Variants in ABCC12 observed in about 807,000 individuals in gnomAD.
ABCC12 encodes the protein ATP binding cassette subfamily C member 12.
ABCC12 carries 142 observed loss-of-function variants against 151.1 expected under a neutral mutation model. That is an observed-to-expected ratio of 0.94 (90% CI 0.82 to 1.08). ABCC12 has a LOEUF of 1.08. Ranked by LOEUF, ABCC12 falls within the 50% of genes least tolerant of loss-of-function variation. The pLI is 0.00. For missense variants in ABCC12, 1,638 were observed against 1,691.1 expected (o/e 0.97, Z 0.55); for synonymous variants, 645 against 646.4 (o/e 1.00, Z 0.03).
At chr16:48,148,002 C>T (rs2150684202) in intron 2 of ABCC12, among the ~76,000 whole-genome samples, 1 of 152,036 alleles carries the variant, frequency 6.6e-6, no homozygotes, top group East Asian at 1.9e-4. Flanking sequence ...GGTGGGAATG[C>T]AGTGGTGCGA....
chr16:48,155,084 C>G (rs928683806), intron 1 of ABCC12, among the ~76,000 whole-genome samples: 8 of 152,182 alleles, frequency 5.3e-5, no homozygotes, highest in Non-Finnish European at 7.3e-5. Context: ...TCAGAAAGCC[C>G]TGTGAGTGAT....
In ABCC12 at chr16:48,144,023, G is replaced by A. The variant is rs60702908; in HGVS notation, c.162C>T (p.Phe54=). The A allele has an allele frequency of 5.2e-3, 8,471 of 1,614,132 alleles. 420 individuals carry two copies. In the African/African-American group the frequency reaches 0.098, roughly 19 times the overall value. Residue 54 remains phenylalanine, a synonymous_variant, in exon 4 of 31, where the codon TTC becomes TTT. Coordinates refer to ENST00000311303, the MANE Select transcript of ABCC12 (RefSeq NM_001393797.1). ...NPVDDAGLLS[F]ATFSWLTPVM... is the part of the protein sequence containing the mutation. ...CCGGCGTGAGCCAGGAAAATGTGGCGAAGGAGAGTAGCCCGGCATCATCCA... is the reference window on the plus strand; with the variant it reads ...CCGGCGTGAGCCAGGAAAATGTGGCAAAGGAGAGTAGCCCGGCATCATCCA...
In ABCC12 at chr16:48,140,940, G is replaced by A. The variant is rs1964788301; in HGVS notation, c.424-20C>T. 6.2e-7 allele frequency: 1 copy of A among 1,603,744 alleles called. No individual in the cohort carries two copies. The highest frequency in any genetic ancestry group is 8.5e-7 in the Non-Finnish European group (1 of 1,171,710). Reference sequence around the variant, plus strand: ...AACTGTCTGTAAAACAGCATGGTGGGGAGAAGAGAGGGCCACTGAGGGCTG... The same window carrying A: ...AACTGTCTGTAAAACAGCATGGTGGAGAGAAGAGAGGGCCACTGAGGGCTG... On this transcript the variant is annotated intron_variant, in intron 5 of 30. Transcript: ENST00000311303.
At chr16:48,138,569 T>G (rs1482714923) in intron 7 of ABCC12, among the ~76,000 whole-genome samples, 194 bp from the exon 8 acceptor site, 2 of 152,192 alleles carry the variant, frequency 1.3e-5, no homozygotes, top group Admixed American at 6.5e-5. Context: ...AGGCAGGTCA[T>G]GTAAAGGCAT....
At chr16:48,141,093 C>T (rs561297580) in intron 5 of ABCC12, 113 bp downstream of exon 5, 41 of 1,462,116 alleles carry the variant, frequency 2.8e-5, no homozygotes, top group South Asian at 5.4e-5. Context: ...CCCCAAGGAG[C>T]GCAAAGATAA....
At chr16:48,138,517 G>A (rs1008063998) in intron 7 of ABCC12, 142 bp from the exon 8 acceptor site, 1 of 949,054 alleles carries the variant, frequency 1.1e-6, no homozygotes, top group African/African-American at 1.6e-5. Flanking sequence ...CTTCCCTTGA[G>A]TTGTGGCTGT....
At chr16:48,154,518 C>T (rs960636526) in intron 1 of ABCC12, among the ~76,000 whole-genome samples, 2 of 152,180 alleles carry the variant, frequency 1.3e-5, no homozygotes, top group African/African-American at 4.8e-5. Flanking sequence ...CCCACCACTC[C>T]TTACTGTCTC....
At chr16:48,103,226 G>A (rs569921338) in intron 22 of ABCC12, among the ~76,000 whole-genome samples, 10 of 151,878 alleles carry the variant, frequency 6.6e-5, no homozygotes, top group Admixed American at 1.3e-4. Flanking sequence ...GCACGTCTAG[G>A]AGCATAATCC....
At chr16:48,129,585 G>A (rs1567454519) in intron 10 of ABCC12, among the ~76,000 whole-genome samples, 1 of 152,178 alleles carries the variant, frequency 6.6e-6, no homozygotes, top group Non-Finnish European at 1.5e-5. Flanking sequence ...AGAGCCTGGA[G>A]GGGACAAGGG....
intron 20 of ABCC12, among the ~76,000 whole-genome samples, chr16:48,106,307 C>G (rs373024146): frequency 6.6e-6 from 1 of 152,152 alleles, no homozygotes; most frequent in African/African-American, 2.4e-5. Context: ...GTTCAACCAC[C>G]GTGGCTGCAT....
At chr16:48,097,307 G>A (rs770472056) in intron 23 of ABCC12, among the ~76,000 whole-genome samples, 3 of 151,928 alleles carry the variant, frequency 2.0e-5, no homozygotes, top group Non-Finnish European at 4.4e-5. Flanking sequence ...TTGACAATTG[G>A]CCCCCTTGAT....
intron 2 of ABCC12, chr16:48,146,856 T>C (rs995120665): frequency 2.9e-5 from 6 of 207,326 alleles, no homozygotes; most frequent in Non-Finnish European, 4.9e-5. Context: ...CACACACACA[T>C]GCACATGCAC....
At chr16:48,091,600 C>T (rs1315927832) in intron 24 of ABCC12, among the ~76,000 whole-genome samples, 3 of 152,170 alleles carry the variant, frequency 2.0e-5, no homozygotes, top group Non-Finnish European at 2.9e-5. Flanking sequence ...CAGCCCTCCC[C>T]TAGCCCCTTG....
At chr16:48,117,379 G>A in intron 13 of ABCC12, 46 bp from the exon 14 acceptor site, 1 of 1,598,604 alleles carries the variant, frequency 6.3e-7, no homozygotes, top group Non-Finnish European at 8.5e-7. Context: ...AAGACCCCAA[G>A]CACTGCTGCC....
chr16:48,131,481 T>A (rs1380397368), intron 9 of ABCC12, among the ~76,000 whole-genome samples: 1 of 152,140 alleles, frequency 6.6e-6, no homozygotes, highest in African/African-American at 2.4e-5. Context: ...GAGCCTTTGG[T>A]CAACTGTGGT....
chr16:48,137,619 C>T (rs1326700218), intron 8 of ABCC12, among the ~76,000 whole-genome samples: 1 of 152,184 alleles, frequency 6.6e-6, no homozygotes, highest in Non-Finnish European at 1.5e-5. Flanking sequence ...ATTGTCCATC[C>T]AGACAGTCAA....
chr16:48,124,930 G>A (rs1964190495), intron 11 of ABCC12, among the ~76,000 whole-genome samples: 1 of 152,192 alleles, frequency 6.6e-6, no homozygotes, highest in Non-Finnish European at 1.5e-5. Flanking sequence ...AGCAAGACAA[G>A]CAAATGAAAT....
At position 48,086,829 on chromosome 16, in the gene ABCC12, A is replaced by G; in HGVS notation, c.3636-10T>C. 2.5e-6 allele frequency: 4 copies of G among 1,606,830 alleles called. No individual in the cohort carries two copies. The highest frequency in any genetic ancestry group is 3.4e-6 in the Non-Finnish European group (4 of 1,173,656). ...GGGATCCAAGTTGTACCTGCAATGA[A>G]GGAGAGGAGAGGACAGGGAGCCAGA... On this transcript the variant is annotated splice_polypyrimidine_tract_variant and intron_variant, in intron 27 of 30. Coordinates refer to ENST00000311303, the MANE Select transcript of ABCC12 (RefSeq NM_001393797.1).
At chr16:48,125,765 C>T (rs1446191590) in intron 11 of ABCC12, among the ~76,000 whole-genome samples, 1 of 152,220 alleles carries the variant, frequency 6.6e-6, no homozygotes, top group African/African-American at 2.4e-5. Context: ...ACGCCCATCC[C>T]CTGTCTGCCA....
Sources: allele counts gnomAD v4.1 joint callset (sites outside exome capture counted in the v4.1 genomes callset), GRCh38; gene constraint gnomAD v4.1.1; transcripts MANE v1.5; gene names NCBI Gene and HGNC (gene_info 2026-07-23, HGNC 2026-07-21).